The following RTL9 variants were observed in gnomAD, a reference collection of about 807,000 sequenced individuals.
RTL9 encodes retrotransposon Gag like 9.
In RTL9, 19 loss-of-function variants were observed where a neutral mutation model predicts 44.7. That is an observed-to-expected ratio of 0.42 (90% CI 0.30 to 0.62). The LOEUF (loss-of-function observed/expected upper bound fraction) is 0.62, where lower values mean the gene tolerates loss of function less well. Ranked by LOEUF, RTL9 falls within the 20% of genes least tolerant of loss-of-function variation. The probability of loss-of-function intolerance (pLI) is 0.16; values close to 1 mark genes in which losing one functional copy is unlikely to be tolerated. For synonymous variants in RTL9, 407 were observed against 398.9 expected, an observed-to-expected ratio of 1.02 and a Z score of -0.24; for missense variants, 1,105 against 1,080.6, an observed-to-expected ratio of 1.02 and a Z score of -0.32.
rs770922374 is a variant in RTL9, at chrX:110,451,334, C to T, written c.717C>T (p.Thr239=). The T allele has an allele frequency of 5.0e-6, 6 of 1,211,618 alleles. No homozygotes were observed. The Admixed American group carries it at 8.7e-5, about 18-fold the overall frequency. ...CATTGCAAATTACAGATGAAGACAC[C>T]GAAGCAATGTCCAAAGTGCTAATGA... The change falls in exon 1 of 2, where the codon ACC becomes ACT. Residue 239 remains threonine, a synonymous_variant. Transcript: ENST00000540313.
chrX:110,455,266 A>G (rs781144722), exon 2 of RTL9: 9 of 1,210,902 alleles, frequency 7.4e-6, no homozygotes, highest in Non-Finnish European at 8.9e-6. Context: ...GAAGGTCTTC[A>G]TGATCACCTT....
At chrX:110,367,071 G>A (rs1156727300) in intron 1 of RTL9, among the ~76,000 whole-genome samples, 1 of 111,853 alleles carries the variant, frequency 8.9e-6, no homozygotes, top group Non-Finnish European at 1.9e-5. Flanking sequence ...CACTGTGAGC[G>A]AACCATCTGG....
chrX:110,399,217 C>A (rs1328465937), intron 1 of RTL9, among the ~76,000 whole-genome samples: 1 of 112,555 alleles, frequency 8.9e-6, no homozygotes, highest in East Asian at 2.8e-4. Flanking sequence ...ACTTTCTGTA[C>A]CTTACTTTTA....
chrX:110,419,407 C>T (rs2068701676), intron 1 of RTL9, among the ~76,000 whole-genome samples: 2 of 112,572 alleles, frequency 1.8e-5, no homozygotes, highest in African/African-American at 6.5e-5. Flanking sequence ...CTCTGACCAC[C>T]CACAGTTAGA....
chrX:110,369,427 G>A (rs2068322221), intron 1 of RTL9, among the ~76,000 whole-genome samples: 2 of 111,884 alleles, frequency 1.8e-5, no homozygotes, highest in Admixed American at 1.9e-4. Context: ...AGGTGTACAC[G>A]ATACAAAGTG....
At chrX:110,441,234 A>G (rs956153406) in intron 1 of RTL9, among the ~76,000 whole-genome samples, 1 of 111,934 alleles carries the variant, frequency 8.9e-6, no homozygotes, top group Non-Finnish European at 1.9e-5. Flanking sequence ...TGTTGTAAAG[A>G]GTAACTCAGA....
intron 1 of RTL9, among the ~76,000 whole-genome samples, chrX:110,374,021 C>T (rs1220319136): frequency 9.0e-6 from 1 of 111,620 alleles, no homozygotes; most frequent in Non-Finnish European, 1.9e-5. Context: ...ATAGAAGACA[C>T]ACATGATATA....
chrX:110,399,032 C>T (rs1238211245), intron 1 of RTL9, among the ~76,000 whole-genome samples: 1 of 112,107 alleles, frequency 8.9e-6, no homozygotes, highest in African/African-American at 3.2e-5. Context: ...AGCCGTTTCT[C>T]AGTGAATGTC....
At chrX:110,366,491 C>A (rs1292294562) in intron 1 of RTL9, among the ~76,000 whole-genome samples, 1 of 111,740 alleles carries the variant, frequency 8.9e-6, no homozygotes, top group Non-Finnish European at 1.9e-5. Flanking sequence ...GACTTGCTAA[C>A]AAGAATGGAC....
At chrX:110,361,164 G>A (rs1007418227) in intron 1 of RTL9, among the ~76,000 whole-genome samples, 5 of 110,843 alleles carry the variant, frequency 4.5e-5, no homozygotes, top group Non-Finnish European at 7.6e-5. Flanking sequence ...AGTCTTCCCC[G>A]TCTCCCTAAA....
At chrX:110,437,349 A>G (rs2068846241) in intron 1 of RTL9, among the ~76,000 whole-genome samples, 1 of 112,158 alleles carries the variant, frequency 8.9e-6, no homozygotes, top group Admixed American at 9.4e-5. Flanking sequence ...TTTGTACTGG[A>G]CACTGTACTG....
intron 1 of RTL9, among the ~76,000 whole-genome samples, chrX:110,436,193 C>G (rs1479881476): frequency 1.8e-5 from 2 of 112,017 alleles, no homozygotes; most frequent in Non-Finnish European, 3.8e-5. Context: ...AGAGCTGCTG[C>G]TTGGACAAGA....
chrX:110,395,564 A>C (rs12389753), intron 1 of RTL9, among the ~76,000 whole-genome samples: 1,375 of 112,792 alleles, frequency 0.012, 10 homozygotes, highest in African/African-American at 0.024. Flanking sequence ...ACTTGCTCAA[A>C]GTCACATTGA....
chrX:110,428,586 T>G (rs2068771282), intron 1 of RTL9, among the ~76,000 whole-genome samples: 2 of 111,520 alleles, frequency 1.8e-5, no homozygotes, highest in South Asian at 7.7e-4. Context: ...CTTTCTCTGA[T>G]GCCATCTGAA....
At chrX:110,381,220 C>A (rs756620918) in intron 1 of RTL9, among the ~76,000 whole-genome samples, 2 of 111,869 alleles carry the variant, frequency 1.8e-5, no homozygotes, top group Non-Finnish European at 3.8e-5. Flanking sequence ...CTATAAGGAA[C>A]TTAAATCAAC....
chrX:110,430,578 A>G (rs1311044081), intron 1 of RTL9, among the ~76,000 whole-genome samples: 2 of 112,009 alleles, frequency 1.8e-5, no homozygotes, highest in Non-Finnish European at 3.8e-5. Context: ...CAGTAGTGAC[A>G]GAAGCAATAG....
chrX:110,416,313 A>G (rs890785769), upstream of RTL9, among the ~76,000 whole-genome samples: 2 of 112,269 alleles, frequency 1.8e-5, no homozygotes, highest in African/African-American at 6.5e-5. Context: ...ACAAAGGGAC[A>G]GAGGTATGTA....
rs187110493 is a variant in RTL9 at position 110,430,663 on chromosome X, G to A, written c.-168+11528G>A. On this transcript the variant is annotated intron_variant, in intron 1 of 3. Coordinates refer to the RTL9 transcript ENST00000465301. ...CCAGGCATGAAAAGGAAGCTGGCAT[G>A]GTCTTGTGTTGTCAGTTAACCCTTG... is the stretch of plus-strand genomic sequence containing the variant. Among the ~76,000 whole-genome samples the A allele has an allele frequency of 9.3e-4, 104 of 112,293 alleles. 1 individual carries two copies. The highest frequency in any genetic ancestry group is 9.1e-3 in the Middle Eastern group (2 of 219).
At chrX:110,444,598 A>G (rs756886879) in intron 1 of RTL9, among the ~76,000 whole-genome samples, 1 of 112,296 alleles carries the variant, frequency 8.9e-6, no homozygotes, top group South Asian at 3.7e-4. Context: ...CTTTTTAGAA[A>G]ATGATGATTT....
Sources: allele counts gnomAD v4.1 joint callset (sites outside exome capture counted in the v4.1 genomes callset), GRCh38; gene constraint gnomAD v4.1.1; transcripts MANE v1.5; gene names NCBI Gene and HGNC (gene_info 2026-07-23, HGNC 2026-07-21).